Variants in MNAT1 observed in about 807,000 individuals in gnomAD.
MNAT1 encodes the protein CDK-activating kinase assembly factor MAT1.
A neutral mutation model predicts 42.0 loss-of-function variants in MNAT1; 43 were observed. The observed-to-expected ratio is 1.02, with a 90% CI of 0.80 to 1.32. MNAT1 has a LOEUF of 1.32. Ranked by LOEUF, MNAT1 falls within the 40% of genes most tolerant of loss-of-function variation. MNAT1 has a pLI of 0.00. For missense variants in MNAT1, 306 were observed against 350.4 expected (o/e 0.87, Z 1.01); for synonymous variants, 118 against 120.0 (o/e 0.98, Z 0.11).
Position 60,938,176 on chromosome 14 carries a change from G to A in MNAT1, c.810-30053G>A, listed in dbSNP as rs147470725. Among the ~76,000 whole-genome samples, 644 of 152,220 alleles carry A rather than the reference G, an allele frequency of 4.2e-3. 2 individuals carry two copies. Among genetic ancestry groups the A allele is most frequent in the African/African-American group, 0.014 (598 of 41,516 alleles). ...ATACAATCATGTCATCTGCAAACAG[G>A]GACAATTTGGCTTCCTCTTTTCCTA... On this transcript the variant is annotated intron_variant, in intron 7 of 7. Transcript: ENST00000261245.
rs71114172 is a variant in MNAT1, at chr14:60,958,634, CT to C, written c.810-9575del. 2.9e-4 allele frequency among the ~76,000 whole-genome samples: 27 copies of C among 93,880 alleles called. No homozygotes were observed. In the East Asian group the frequency reaches 4.7e-3, roughly 16 times the overall value. The allele number at this position is 93,880 out of a possible 152,430, so 61.6% of individuals were successfully genotyped here. A position where few individuals can be genotyped will look rare whatever the true frequency, so the allele number is the denominator to read the frequency against. Reference sequence around the variant, plus strand: ...CTTTTTCCTTCTTTCGAGACAAGGTCTTTTTTTTTTTTTTTTTTTTGAGACA... The same window carrying C: ...CTTTTTCCTTCTTTCGAGACAAGGTCTTTTTTTTTTTTTTTTTTTGAGACA... On this transcript the variant is annotated intron_variant, in intron 7 of 7. Transcript: ENST00000261245.
At chr14:60,906,236 G>GT (rs2035195487) in intron 7 of MNAT1, among the ~76,000 whole-genome samples, 1 of 152,170 alleles carries the variant, frequency 6.6e-6, no homozygotes, top group Non-Finnish European at 1.5e-5. Flanking sequence ...GAGGTAGCAG[G>GT]TTTTTATGTA....
At chr14:60,754,313 T>A (rs1000780703) in intron 1 of MNAT1, among the ~76,000 whole-genome samples, 8 of 152,116 alleles carry the variant, frequency 5.3e-5, no homozygotes, top group Admixed American at 3.3e-4. Context: ...GATTTTATTT[T>A]TTTTTTAATA....
At chr14:60,827,583 C>T (rs760683114) in intron 6 of MNAT1, among the ~76,000 whole-genome samples, 1 of 152,072 alleles carries the variant, frequency 6.6e-6, no homozygotes, top group Non-Finnish European at 1.5e-5. Context: ...GGTGCTTTAC[C>T]ATTTTGCCAA....
intron 6 of MNAT1, among the ~76,000 whole-genome samples, chr14:60,819,388 GTT>G (rs1212653905): frequency 7.0e-6 from 1 of 143,766 alleles, no homozygotes; most frequent in East Asian, 2.0e-4. Flanking sequence ...ACTTTTACAG[GTT>G]TTTTTTTTTG....
intron 1 of MNAT1, among the ~76,000 whole-genome samples, chr14:60,768,259 A>G (rs1335985209): frequency 6.6e-6 from 1 of 152,168 alleles, no homozygotes. Context: ...AGTGTATAAT[A>G]TTATTGTATT....
intron 7 of MNAT1, among the ~76,000 whole-genome samples, chr14:60,882,277 T>A (rs2034568251): frequency 6.6e-6 from 1 of 152,074 alleles, no homozygotes; most frequent in African/African-American, 2.4e-5. Flanking sequence ...TGACCTTCCT[T>A]CTACTCCCTA....
chr14:60,922,351 T>C (rs1174403266), intron 7 of MNAT1, among the ~76,000 whole-genome samples: 2 of 152,152 alleles, frequency 1.3e-5, no homozygotes, highest in Non-Finnish European at 2.9e-5. Context: ...GGTGTGCATA[T>C]AGTGTTTTTA....
intron 1 of MNAT1, among the ~76,000 whole-genome samples, chr14:60,750,785 A>C (rs1011788830): frequency 9.9e-5 from 15 of 152,204 alleles, no homozygotes; most frequent in African/African-American, 3.4e-4. Flanking sequence ...CAAAGTTAGC[A>C]TCAGGGGAAC....
intron 7 of MNAT1, among the ~76,000 whole-genome samples, chr14:60,962,589 A>G (rs561099986): frequency 2.6e-5 from 4 of 152,194 alleles, no homozygotes; most frequent in Admixed American, 1.3e-4. Context: ...TAACTGTTCT[A>G]TCCAAAATAC....
At chr14:60,941,230 G>A (rs2036153063) in intron 7 of MNAT1, among the ~76,000 whole-genome samples, 1 of 152,080 alleles carries the variant, frequency 6.6e-6, no homozygotes, top group African/African-American at 2.4e-5. Flanking sequence ...TCTCTGGCTA[G>A]TCCATTTTTC....
chr14:60,780,960 G>A (rs1376830364), intron 1 of MNAT1, among the ~76,000 whole-genome samples: 1 of 152,110 alleles, frequency 6.6e-6, no homozygotes, highest in East Asian at 1.9e-4. Context: ...AGTATAGGTA[G>A]GGAGATATTT....
At chr14:60,931,199 G>A (rs2035875433) in intron 7 of MNAT1, among the ~76,000 whole-genome samples, 1 of 152,114 alleles carries the variant, frequency 6.6e-6, no homozygotes, top group Non-Finnish European at 1.5e-5. Flanking sequence ...AAATTCCAAG[G>A]TTTTTGGCTT....
rs140827178 is a variant in MNAT1 at position 60,756,892 on chromosome 14, C to T, written c.89+21941C>T. Reference sequence around the variant, plus strand: ...TCTTGTATTTGGAGGTAAATGACAACAGGATATTCACTTCCAGTTTAAGTA... The same window carrying T: ...TCTTGTATTTGGAGGTAAATGACAATAGGATATTCACTTCCAGTTTAAGTA... On this transcript the variant is annotated intron_variant, in intron 1 of 7. Coordinates refer to ENST00000261245, the MANE Select transcript of MNAT1 (RefSeq NM_002431.4). 5.1e-3 allele frequency among the ~76,000 whole-genome samples: 779 copies of T among 152,258 alleles called. 14 individuals carry two copies. The highest frequency in any genetic ancestry group is 0.018 in the African/African-American group (731 of 41,554).
chr14:60,939,600 TTTG>T (rs2036094310), intron 7 of MNAT1, among the ~76,000 whole-genome samples: 1 of 152,218 alleles, frequency 6.6e-6, no homozygotes, highest in South Asian at 2.1e-4. Flanking sequence ...TGAGAGACAG[TTTG>T]TTATCATTTC....
At chr14:60,855,704 T>C (rs975364528) in intron 6 of MNAT1, among the ~76,000 whole-genome samples, 4 of 152,198 alleles carry the variant, frequency 2.6e-5, no homozygotes. Context: ...ACCTTCCTTC[T>C]GCGTTGGTCT....
At chr14:60,767,930 AT>A (rs1407416120) in intron 1 of MNAT1, among the ~76,000 whole-genome samples, 1 of 151,770 alleles carries the variant, frequency 6.6e-6, no homozygotes, top group Non-Finnish European at 1.5e-5. Context: ...CACCCAGCTA[AT>A]TTTTTTTGTG....
At chr14:60,785,988 A>G (rs1181829041) in intron 1 of MNAT1, among the ~76,000 whole-genome samples, 1 of 152,120 alleles carries the variant, frequency 6.6e-6, no homozygotes, top group African/African-American at 2.4e-5. Flanking sequence ...GGCCTCTTAA[A>G]AATAGTAGAA....
intron 7 of MNAT1, among the ~76,000 whole-genome samples, chr14:60,948,330 C>A (rs2036320926): frequency 6.6e-6 from 1 of 152,092 alleles, no homozygotes; most frequent in African/African-American, 2.4e-5. Context: ...CCTCAGGAGA[C>A]TGAGATGGGA....
Sources: gnomAD v4.1 joint callset for allele counts (sites outside exome capture counted in the v4.1 genomes callset) on GRCh38, gnomAD v4.1.1 for gene constraint, MANE v1.5 for transcripts, NCBI Gene and HGNC (gene_info 2026-07-23, HGNC 2026-07-21) for gene names.